NRXN3: variants seen among roughly 807,000 people sequenced by gnomAD.
The protein encoded by NRXN3 is neurexin III.
A neutral mutation model predicts 137.6 loss-of-function variants in NRXN3; 32 were observed. The ratio of observed to expected loss-of-function variants is 0.23; its 90% confidence interval spans 0.18 to 0.31. The LOEUF is 0.31. NRXN3 is among the 10% of genes least tolerant of loss of function. The pLI is 1.00. For synonymous variants in NRXN3, 798 were observed against 784.5 expected (o/e 1.02, Z -0.29); for missense variants, 1,574 against 2,062.5 (o/e 0.76, Z 4.59).
intron 16 of NRXN3, among the ~76,000 whole-genome samples, chr14:79,663,463 C>G (rs1019517859): frequency 1.3e-5 from 2 of 152,108 alleles, no homozygotes; most frequent in African/African-American, 4.8e-5. Context: ...CCTAATTCAT[C>G]TCACAGAAAT....
chr14:78,212,297 C>A lies in NRXN3; in HGVS notation c.-703-30094C>A, dbSNP rs74966375. 7.5e-4 allele frequency among the ~76,000 whole-genome samples: 114 copies of A among 152,124 alleles called. No homozygotes were observed. The East Asian group carries it at 0.018, about 24-fold the overall frequency. ...AAGCCTGAGATGATGAAGGTGCCTTCCTCTACAGAACAATTTTATTTTATT... is the reference window on the plus strand; with the variant it reads ...AAGCCTGAGATGATGAAGGTGCCTTACTCTACAGAACAATTTTATTTTATT... On this transcript the variant is annotated intron_variant, in intron 1 of 20. Coordinates refer to ENST00000335750, the MANE Select transcript of NRXN3 (RefSeq NM_001330195.2).
chr14:78,669,592 G>T (rs2097916949), intron 6 of NRXN3, among the ~76,000 whole-genome samples: 1 of 152,098 alleles, frequency 6.6e-6, no homozygotes, highest in Non-Finnish European at 1.5e-5. Context: ...AGGCCTGTTT[G>T]TCCGGATGAT....
intron 15 of NRXN3, among the ~76,000 whole-genome samples, chr14:79,256,325 T>C (rs1023687343): frequency 3.3e-5 from 5 of 152,182 alleles, no homozygotes; most frequent in African/African-American, 1.2e-4. Flanking sequence ...GTTGAAATTG[T>C]TTTTATCAGC....
intron 15 of NRXN3, among the ~76,000 whole-genome samples, chr14:79,016,738 T>C (rs1283325403): frequency 6.6e-6 from 1 of 152,194 alleles, no homozygotes; most frequent in East Asian, 1.9e-4. Flanking sequence ...CCTGAGCAAA[T>C]GTTTTAACCT....
At chr14:78,359,307 T>G (rs772348597) in intron 4 of NRXN3, among the ~76,000 whole-genome samples, 2 of 152,132 alleles carry the variant, frequency 1.3e-5, no homozygotes, top group African/African-American at 4.8e-5. Flanking sequence ...AGGTGTGGCC[T>G]GGGCAGTGGA....
chr14:78,816,966 A>G (rs993750051), intron 10 of NRXN3, among the ~76,000 whole-genome samples: 2 of 152,246 alleles, frequency 1.3e-5, no homozygotes, highest in Non-Finnish European at 2.9e-5. Context: ...GTGACAACTT[A>G]TATCAGAAAT....
intron 1 of NRXN3, among the ~76,000 whole-genome samples, chr14:78,228,553 T>G (rs2064984901): frequency 1.3e-5 from 2 of 152,200 alleles, no homozygotes; most frequent in Non-Finnish European, 2.9e-5. Flanking sequence ...TATCTACCAG[T>G]CTGTGCTGGG....
intron 1 of NRXN3, among the ~76,000 whole-genome samples, chr14:78,198,724 A>G (rs2061431802): frequency 1.3e-5 from 2 of 152,204 alleles, no homozygotes; most frequent in African/African-American, 4.8e-5. Flanking sequence ...TTAATAGTTC[A>G]AGTCTTCTTT....
At chr14:79,235,550 A>C (rs184764247) in intron 15 of NRXN3, among the ~76,000 whole-genome samples, 45 of 152,272 alleles carry the variant, frequency 3.0e-4, no homozygotes, top group African/African-American at 1.0e-3. Flanking sequence ...TAATTCTGTC[A>C]GTCTTGCATT....
chr14:78,875,752 T>C lies in NRXN3; in HGVS notation c.2275+65408T>C, dbSNP rs189006401. Among the ~76,000 whole-genome samples the C allele has an allele frequency of 1.6e-3, 238 of 152,358 alleles. 3 individuals carry two copies. The highest frequency in any genetic ancestry group is 5.5e-3 in the African/African-American group (228 of 41,578). On this transcript the variant is annotated intron_variant, in intron 10 of 20. Coordinates refer to ENST00000335750, the MANE Select transcript of NRXN3 (RefSeq NM_001330195.2). ...ATATCTGTGAAAAGAGAATGTCCTTTAGGAATTTACCAACTTTTCACGCAG... is the reference window on the plus strand; with the variant it reads ...ATATCTGTGAAAAGAGAATGTCCTTCAGGAATTTACCAACTTTTCACGCAG...
intron 8 of NRXN3, among the ~76,000 whole-genome samples, chr14:78,792,423 C>A (rs1252673479): frequency 4.0e-5 from 6 of 151,568 alleles, no homozygotes; most frequent in East Asian, 3.9e-4. Flanking sequence ...ATGAAAAAAA[C>A]CAGAGATTAA....
At position 78,439,712 on chromosome 14, in the gene NRXN3, G is replaced by A. The variant is rs78235353; in HGVS notation, c.757+141852G>A. On this transcript the variant is annotated intron_variant, in intron 4 of 20. Coordinates refer to ENST00000335750, the MANE Select transcript of NRXN3 (RefSeq NM_001330195.2). ...GGAAACCAAGGCAGAATTTTTACAGGTGTGGAAACCAAGGCGAAATTTGCT... is the reference window on the plus strand; with the variant it reads ...GGAAACCAAGGCAGAATTTTTACAGATGTGGAAACCAAGGCGAAATTTGCT... 5.7e-3 allele frequency among the ~76,000 whole-genome samples: 861 copies of A among 152,230 alleles called. 29 individuals carry two copies. In the East Asian group the frequency reaches 0.066, roughly 12 times the overall value.
At chr14:79,471,729 G>A (rs2096510795) in intron 16 of NRXN3, among the ~76,000 whole-genome samples, 1 of 152,068 alleles carries the variant, frequency 6.6e-6, no homozygotes, top group Non-Finnish European at 1.5e-5. Flanking sequence ...GAAATGAGTG[G>A]GAAAACTTGG....
At chr14:78,649,766 T>G (rs1191357542) in intron 5 of NRXN3, among the ~76,000 whole-genome samples, 1 of 152,018 alleles carries the variant, frequency 6.6e-6, no homozygotes, top group African/African-American at 2.4e-5. Context: ...TCTTTCCCTT[T>G]TATATGGCCA....
chr14:79,049,508 G>T (rs2099638842), intron 15 of NRXN3, among the ~76,000 whole-genome samples: 1 of 152,060 alleles, frequency 6.6e-6, no homozygotes, highest in African/African-American at 2.4e-5. Flanking sequence ...CCATCTACGG[G>T]GGTTGACATC....
intron 15 of NRXN3, among the ~76,000 whole-genome samples, chr14:79,026,326 C>A: frequency 6.6e-6 from 1 of 152,074 alleles, no homozygotes; most frequent in East Asian, 1.9e-4. Context: ...AGTGACTGTT[C>A]TTTCTGAGAC....
chr14:79,504,372 G>T (rs535664613), intron 16 of NRXN3, among the ~76,000 whole-genome samples: 1 of 151,920 alleles, frequency 6.6e-6, no homozygotes, highest in East Asian at 1.9e-4. Flanking sequence ...TTAATGTTCC[G>T]TCATATAATT....
At chr14:78,433,237 T>A (rs2093953461) in intron 4 of NRXN3, among the ~76,000 whole-genome samples, 1 of 152,186 alleles carries the variant, frequency 6.6e-6, no homozygotes, top group Non-Finnish European at 1.5e-5. Context: ...TAAGGGTCTC[T>A]TGGATTCCTT....
chr14:78,624,820 TGTGTGTGTG>T (rs756026284), intron 4 of NRXN3, among the ~76,000 whole-genome samples: 37 of 149,082 alleles, frequency 2.5e-4, no homozygotes, highest in Non-Finnish European at 4.6e-4. Context: ...TGTGTGTGTG[TGTGTGTGTG>T]TGTTTGTTTG....
Sources: gnomAD v4.1 joint callset for allele counts (sites outside exome capture counted in the v4.1 genomes callset) on GRCh38, gnomAD v4.1.1 for gene constraint, MANE v1.5 for transcripts, NCBI Gene and HGNC (gene_info 2026-07-23, HGNC 2026-07-21) for gene names.